Variants in BCAS1 observed in about 807,000 individuals in gnomAD.
BCAS1 encodes the protein brain enriched myelin associated protein 1, also known as breast carcinoma-amplified sequence 1.
Under a neutral mutation model 65.4 loss-of-function variants are expected in BCAS1, and 46 were observed. That is an observed-to-expected ratio of 0.70 (90% CI 0.55 to 0.90). BCAS1 has a LOEUF of 0.90. Ranked by LOEUF, BCAS1 falls within the 40% of genes least tolerant of loss-of-function variation. The probability of loss-of-function intolerance (pLI) is 0.00; values close to 1 mark genes in which losing one functional copy is unlikely to be tolerated. For missense variants in BCAS1, 793 were observed against 771.2 expected (o/e 1.03, Z -0.33); for synonymous variants, 298 against 293.5 (o/e 1.02, Z -0.16).
intron 12 of BCAS1, among the ~76,000 whole-genome samples, chr20:53,953,139 G>T (rs1473241742): frequency 6.6e-6 from 1 of 152,170 alleles, no homozygotes; most frequent in Non-Finnish European, 1.5e-5. Context: ...CACTGTGCTA[G>T]GTGACTAGAT....
At chr20:54,013,161 G>C (rs1393695948) in intron 4 of BCAS1, among the ~76,000 whole-genome samples, 1 of 152,168 alleles carries the variant, frequency 6.6e-6, no homozygotes, top group Non-Finnish European at 1.5e-5. Flanking sequence ...TAGGAATTTA[G>C]TATATGATAA....
Position 53,944,410 on chromosome 20 carries a change from G to A in BCAS1, c.*512C>T, listed in dbSNP as rs1252336751. ...TGCAACCTCCACCTCCTGGGTACAA[G>A]CGGTTCTCGTGCGTTGGGCTCCCGA... On this transcript the variant is annotated 3_prime_UTR_variant, in exon 13 of 13. Transcript: ENST00000688948. 6.4e-6 allele frequency: 1 copy of A among 155,118 alleles called. No individual in the cohort carries two copies. The highest frequency in any genetic ancestry group is 2.4e-5 in the African/African-American group (1 of 41,396). The allele number at this position is 155,118 out of a possible 1,614,324, so 9.6% of individuals were successfully genotyped here.
intron 3 of BCAS1, among the ~76,000 whole-genome samples, chr20:54,040,720 A>C (rs2091975680): frequency 6.6e-6 from 1 of 151,234 alleles, no homozygotes; most frequent in Non-Finnish European, 1.5e-5. Flanking sequence ...AAAAATCGGA[A>C]TGCTCATGCA....
chr20:53,952,339 G>C (rs2145497661), intron 12 of BCAS1, among the ~76,000 whole-genome samples: 1 of 152,332 alleles, frequency 6.6e-6, no homozygotes, highest in South Asian at 2.1e-4. Context: ...GAGTCCAGTG[G>C]TGAAGAGGGG....
At chr20:54,039,726 G>A (rs965273099) in intron 3 of BCAS1, among the ~76,000 whole-genome samples, 3 of 150,894 alleles carry the variant, frequency 2.0e-5, no homozygotes, top group African/African-American at 7.3e-5. Context: ...CATTTAACCC[G>A]TGTTTACAAC....
intron 4 of BCAS1, 31 bp from the exon 5 acceptor site, chr20:53,996,081 C>G (rs1213102792): frequency 1.3e-6 from 2 of 1,548,586 alleles, no homozygotes; most frequent in Non-Finnish European, 8.7e-7. Context: ...ACAGTTGCCA[C>G]TTGCTGAATG....
intron 3 of BCAS1, among the ~76,000 whole-genome samples, chr20:54,049,910 A>G (rs1407644929): frequency 3.9e-5 from 6 of 152,214 alleles, no homozygotes; most frequent in South Asian, 4.1e-4. Context: ...TTAGAGTCCA[A>G]TGCTTGAGAG....
intron 1 of BCAS1, among the ~76,000 whole-genome samples, chr20:54,062,600 G>A (rs894466977): frequency 2.6e-5 from 4 of 152,174 alleles, no homozygotes; most frequent in African/African-American, 9.7e-5. Context: ...TCCTAACAAA[G>A]CTACTTTGAA....
In BCAS1 at chr20:54,030,981, T is replaced by C. The variant is rs141413000; in HGVS notation, c.143-2009A>G. On this transcript the variant is annotated intron_variant, in intron 3 of 12. Coordinates refer to ENST00000688948, the MANE Select transcript of BCAS1 (RefSeq NM_001366298.2). ...AAGGCTGTTGAAGTGTCAGAGTGAA[T>C]ATAAATGAATTGTGGGAATGGTCCA... Among the ~76,000 whole-genome samples, 1,096 of 151,524 alleles carry C rather than the reference T, an allele frequency of 7.2e-3. 27 individuals carry two copies. Among genetic ancestry groups the C allele is most frequent in the African/African-American group, 0.024 (1,011 of 41,460 alleles).
At chr20:53,954,658 T>C (rs946673458) in intron 11 of BCAS1, among the ~76,000 whole-genome samples, 2 of 152,210 alleles carry the variant, frequency 1.3e-5, no homozygotes, top group African/African-American at 4.8e-5. Context: ...TCCAAAAATC[T>C]AGTAAATGCA....
At chr20:54,018,262 T>G (rs1471283005) in intron 4 of BCAS1, among the ~76,000 whole-genome samples, 1 of 152,198 alleles carries the variant, frequency 6.6e-6, no homozygotes, top group African/African-American at 2.4e-5. Context: ...TTCTCTTTCT[T>G]TTTTAAATTG....
intron 4 of BCAS1, among the ~76,000 whole-genome samples, chr20:54,015,230 C>G (rs3819585): frequency 0.23 from 34,348 of 151,820 alleles, 4,006 homozygotes; most frequent in East Asian, 0.34. Flanking sequence ...TGGGGTTTCA[C>G]CATGTTGGCC....
intron 4 of BCAS1, among the ~76,000 whole-genome samples, chr20:54,015,970 T>A (rs984275904): frequency 9.2e-5 from 14 of 152,242 alleles, no homozygotes; most frequent in African/African-American, 3.4e-4. Context: ...ATTCTATTAC[T>A]GAAAGTCAAC....
rs1407879243 is a variant in BCAS1 at position 53,943,940 on chromosome 20, G to A, written c.*982C>T. The A allele has an allele frequency of 2.6e-5, 4 of 151,578 alleles. No homozygotes were observed. Among genetic ancestry groups the A allele is most frequent in the Non-Finnish European group, 5.9e-5 (4 of 67,902 alleles). 9.4% of individuals were successfully genotyped at this position (151,578 alleles called of 1,614,324 possible). On this transcript the variant is annotated 3_prime_UTR_variant, in exon 13 of 13. Coordinates refer to ENST00000688948, the MANE Select transcript of BCAS1 (RefSeq NM_001366298.2). ...CGCCCCCTTGTGTTGCAAAATAACCGTGCAACTTCCTTTATTTTTTATTTA... is the reference window on the plus strand; with the variant it reads ...CGCCCCCTTGTGTTGCAAAATAACCATGCAACTTCCTTTATTTTTTATTTA...
Position 54,028,582 on chromosome 20 carries a change from CCT to C in BCAS1, c.531_532del (p.Gly179SerfsTer16), listed in dbSNP as rs757914302. 15 of 1,614,046 alleles carry C rather than the reference CCT, an allele frequency of 9.3e-6. No individual in the cohort carries two copies. The highest frequency in any genetic ancestry group is 1.6e-4 in the Middle Eastern group (1 of 6,084). Reference sequence around the variant, plus strand: ...GGAGGGAGCTTCTCCTCCTGCTCCCCCTGTCTCAGGTGGGAGAAGCGTGGGAT... The same window carrying C: ...GGAGGGAGCTTCTCCTCCTGCTCCCCGTCTCAGGTGGGAGAAGCGTGGGAT... On this transcript the variant is annotated frameshift_variant, in exon 4 of 13. Transcript: ENST00000688948. LOFTEE classifies it high-confidence loss of function.
At chr20:54,017,849 A>G (rs2091472196) in intron 4 of BCAS1, among the ~76,000 whole-genome samples, 1 of 152,216 alleles carries the variant, frequency 6.6e-6, no homozygotes, top group South Asian at 2.1e-4. Context: ...GACTGGTGAC[A>G]GCATTTCACA....
At chr20:54,048,455 A>T (rs2092150198) in intron 3 of BCAS1, among the ~76,000 whole-genome samples, 1 of 152,146 alleles carries the variant, frequency 6.6e-6, no homozygotes, top group Non-Finnish European at 1.5e-5. Flanking sequence ...GGATGCCTAC[A>T]TGGTGGCAGA....
At chr20:53,976,799 T>C (rs1013039908) in intron 8 of BCAS1, among the ~76,000 whole-genome samples, 1 of 152,260 alleles carries the variant, frequency 6.6e-6, no homozygotes, top group Non-Finnish European at 1.5e-5. Flanking sequence ...AATTTATTTC[T>C]AGTTATCTTC....
chr20:54,064,182 A>G (rs1311076650), intron 1 of BCAS1, among the ~76,000 whole-genome samples: 2 of 152,234 alleles, frequency 1.3e-5, no homozygotes, highest in Non-Finnish European at 2.9e-5. Flanking sequence ...CCCCATGCCC[A>G]GGCCCCTGCC....
Sources: gnomAD v4.1 joint callset for allele counts (sites outside exome capture counted in the v4.1 genomes callset) on GRCh38, gnomAD v4.1.1 for gene constraint, MANE v1.5 for transcripts, NCBI Gene and HGNC (gene_info 2026-07-23, HGNC 2026-07-21) for gene names.